Variants in ZRANB1 observed in about 807,000 individuals in gnomAD.
ZRANB1 encodes the protein zinc finger RANBP2-type containing 1.
ZRANB1 carries 16 observed loss-of-function variants against 80.5 expected under a neutral mutation model. The ratio of observed to expected loss-of-function variants is 0.20; its 90% CI spans 0.13 to 0.30. The LOEUF (loss-of-function observed/expected upper bound fraction) is 0.30, where lower values mean the gene tolerates loss of function less well. ZRANB1 is among the 10% of genes least tolerant of loss of function. The pLI is 1.00. For synonymous variants in ZRANB1, 291 were observed against 293.1 expected (o/e 0.99, Z 0.07); for missense variants, 576 against 862.6 (o/e 0.67, Z 4.16).
intron 2 of ZRANB1, among the ~76,000 whole-genome samples, chr10:124,968,484 A>G (rs1951794593): frequency 6.6e-6 from 1 of 152,184 alleles, no homozygotes; most frequent in East Asian, 1.9e-4. Context: ...GATGAAAACA[A>G]AAGGGCAGGC....
chr10:124,928,291 C>A, the ZRANB1 span, among the ~76,000 whole-genome samples: 1 of 152,108 alleles, frequency 6.6e-6, no homozygotes, highest in Non-Finnish European at 1.5e-5. Flanking sequence ...CCGAAGCATG[C>A]GGATGAGGTT....
chr10:124,935,027 CAAAT>C, the ZRANB1 span, among the ~76,000 whole-genome samples: 1 of 152,202 alleles, frequency 6.6e-6, no homozygotes, highest in Non-Finnish European at 1.5e-5. Context: ...AGCCATTTAA[CAAAT>C]AATTTAGTGA....
At chr10:124,955,513 CTTGGCTAACT>C (rs1422859331) in intron 1 of ZRANB1, among the ~76,000 whole-genome samples, 1 of 152,132 alleles carries the variant, frequency 6.6e-6, no homozygotes, top group Non-Finnish European at 1.5e-5. Flanking sequence ...CTTTGTAGTC[CTTGGCTAACT>C]TTGCGTGATA....
At chr10:124,984,584 CT>C in intron 8 of ZRANB1, 189 bp from the exon 9 acceptor site, 1 of 552,602 alleles carries the variant, frequency 1.8e-6, no homozygotes, top group East Asian at 2.9e-5. Context: ...CCATTTATGT[CT>C]TTTTAAATTT....
chr10:124,956,140 A>G (rs1951686063), intron 1 of ZRANB1, among the ~76,000 whole-genome samples: 2 of 152,238 alleles, frequency 1.3e-5, no homozygotes, highest in Admixed American at 1.3e-4. Flanking sequence ...TGATTATGTG[A>G]TAACTGACAT....
At chr10:124,964,097 T>C (rs1287314315) in intron 1 of ZRANB1, among the ~76,000 whole-genome samples, 1 of 152,250 alleles carries the variant, frequency 6.6e-6, no homozygotes, top group Non-Finnish European at 1.5e-5. Context: ...GAGGGACTAA[T>C]TAAGTGTTTT....
chr10:124,942,941 A>G lies in ZRANB1; in HGVS notation c.448A>G (p.Thr150Ala). 1 of 1,614,236 alleles carries G rather than the reference A, an allele frequency of 6.2e-7. No homozygotes were observed. The highest frequency in any genetic ancestry group is 8.5e-7 in the Non-Finnish European group (1 of 1,180,056). The change falls in exon 1 of 9, where the codon ACA (threonine) becomes GCA (alanine). Residue 150 changes from threonine (T) to alanine (A), a missense_variant. This residue lies in a region of ZRANB1 where 411 missense variants were observed against 583.1 expected (regional missense o/e 0.70). Coordinates refer to ENST00000359653, the MANE Select transcript of ZRANB1 (RefSeq NM_017580.3). ...YNDRNKLNTR[T>A]QHWTCSVCTY... Reference sequence around the variant, plus strand: ...TGATAGAAATAAACTGAACACTAGGACACAGCACTGGACTTGCTCTGTTTG... The same window carrying G: ...TGATAGAAATAAACTGAACACTAGGGCACAGCACTGGACTTGCTCTGTTTG...
In ZRANB1 at chr10:124,972,066, G is replaced by A. The variant is rs377041273; in HGVS notation, c.1104G>A (p.Gly368=). 5.6e-6 allele frequency: 9 copies of A among 1,613,738 alleles called. No homozygotes were observed. The highest frequency in any genetic ancestry group is 7.6e-6 in the Non-Finnish European group (9 of 1,179,812). ...EIAASLHQRK[G]DFACYFLTDL... ...CTGCCTCTCTTCATCAGAGAAAGGGGGATTTTGCTTGCTATTTTCTGACTG... is the reference window on the plus strand; with the variant it reads ...CTGCCTCTCTTCATCAGAGAAAGGGAGATTTTGCTTGCTATTTTCTGACTG... The change falls in exon 3 of 9, where the codon GGG becomes GGA. Residue 368 remains glycine, a synonymous_variant. Transcript: ENST00000359653.
chr10:124,936,944 A>C, the ZRANB1 span, among the ~76,000 whole-genome samples: 1 of 152,076 alleles, frequency 6.6e-6, no homozygotes, highest in African/African-American at 2.4e-5. Flanking sequence ...AAAAATCTTT[A>C]AGGCTGCTTT....
chr10:124,953,915 A>G (rs962002393), intron 1 of ZRANB1, among the ~76,000 whole-genome samples: 1 of 150,046 alleles, frequency 6.7e-6, no homozygotes, highest in Non-Finnish European at 1.5e-5. Context: ...CTAGTGTTCT[A>G]CTGAAAGATA....
Position 124,966,837 on chromosome 10 carries a change from G to T in ZRANB1, c.1002+56G>T, listed in dbSNP as rs1020851002. The T allele has an allele frequency of 2.8e-6, 4 of 1,452,120 alleles. No individual in the cohort carries two copies. The African/African-American group carries it at 5.7e-5, about 21-fold the overall frequency. The allele number at this position is 1,452,120 out of a possible 1,614,324, so 90.0% of individuals were successfully genotyped here. ...TTATATTAAAGAAACCTGTTCTTTA[G>T]TTTTCATTTTTGATTTTATAATGTT... is the stretch of plus-strand genomic sequence containing the variant. On this transcript the variant is annotated intron_variant, in intron 2 of 8. Transcript: ENST00000359653.
intron 5 of ZRANB1, among the ~76,000 whole-genome samples, chr10:124,975,175 T>C (rs987631172): frequency 2.0e-5 from 3 of 152,174 alleles, no homozygotes; most frequent in African/African-American, 7.2e-5. Context: ...GAGGGAGTCT[T>C]AAGATCACAT....
chr10:124,970,832 G>GTTT, intron 2 of ZRANB1, among the ~76,000 whole-genome samples: 2 of 118,290 alleles, frequency 1.7e-5, no homozygotes, highest in African/African-American at 3.1e-5. Context: ...TTCTCTTTGG[G>GTTT]GTTTTTTTTT....
At chr10:124,927,234 C>T in the ZRANB1 span, among the ~76,000 whole-genome samples, 3 of 152,156 alleles carry the variant, frequency 2.0e-5, no homozygotes, top group Non-Finnish European at 4.4e-5. Context: ...GGATTACAGG[C>T]GTGAGCCACC....
At chr10:124,959,629 G>C (rs1221575093) in intron 1 of ZRANB1, among the ~76,000 whole-genome samples, 5 of 152,044 alleles carry the variant, frequency 3.3e-5, no homozygotes, top group East Asian at 1.9e-4. Context: ...AGCACGCCTG[G>C]CTTATTCTTT....
intron 1 of ZRANB1, among the ~76,000 whole-genome samples, chr10:124,964,943 G>A (rs2134279578): frequency 6.6e-6 from 1 of 152,276 alleles, no homozygotes; most frequent in African/African-American, 2.4e-5. Context: ...ATACTTAATT[G>A]TTCATTAAAT....
the ZRANB1 span, among the ~76,000 whole-genome samples, chr10:124,932,549 C>T: frequency 6.6e-6 from 1 of 152,028 alleles, no homozygotes; most frequent in Admixed American, 6.6e-5. Context: ...CCTCGGCCTC[C>T]CAGAGTGCTG....
rs535580590 is a variant in ZRANB1, at chr10:124,984,991, G to GA, written c.*9dup. ...GAAGATGAGGATGATGAAGATGAAT[G>GA]AAAAAAAAAATCAAACAGCAGAAGA... ...GEEDEDDEDE[*] Residue 709 remains the stop codon, a frameshift_variant and stop_retained_variant, in exon 9 of 9, where the codon TGA becomes TGAA. Coordinates refer to ENST00000359653, the MANE Select transcript of ZRANB1 (RefSeq NM_017580.3). LOFTEE classifies it high-confidence loss of function. The GA allele has an allele frequency of 0.1, 149,613 of 1,502,456 alleles. 4,979 individuals carry two copies. Among genetic ancestry groups the GA allele is most frequent in the Admixed American group, 0.2 (10,491 of 52,658 alleles). 93.1% of individuals were successfully genotyped at this position (1,502,456 alleles called of 1,614,324 possible).
rs558467101 is a variant in ZRANB1 at position 124,985,231 on chromosome 10, CTTT to C, written c.*244_*246del. ...AAAAACTAATTTTATTAAGACAGAA[CTTT>C]TTTTCCTTCCAAATTGTAAATCTGT... On this transcript the variant is annotated 3_prime_UTR_variant, in exon 9 of 9. Coordinates refer to ENST00000359653, the MANE Select transcript of ZRANB1 (RefSeq NM_017580.3). 15 of 418,646 alleles carry C rather than the reference CTTT, an allele frequency of 3.6e-5. No individual in the cohort carries two copies. Among genetic ancestry groups the C allele is most frequent in the Non-Finnish European group, 5.9e-5 (14 of 235,880 alleles). The allele number at this position is 418,646 out of a possible 1,614,324, so 25.9% of individuals were successfully genotyped here.
Sources: allele counts gnomAD v4.1 joint callset (sites outside exome capture counted in the v4.1 genomes callset), GRCh38; gene constraint gnomAD v4.1.1; regional missense constraint gnomAD v4.1.1; transcripts MANE v1.5; gene names NCBI Gene and HGNC (gene_info 2026-07-23, HGNC 2026-07-21).